The following DPP6 variants were observed in gnomAD, a reference collection of about 807,000 sequenced individuals.
DPP6 encodes dipeptidyl peptidase like 6.
In DPP6, 69 loss-of-function variants were observed where a neutral mutation model predicts 122.6. The observed-to-expected ratio is 0.56, with a 90% CI of 0.46 to 0.69. The LOEUF is 0.69. DPP6 is among the 30% of genes least tolerant of loss of function. The pLI is 0.00. For synonymous variants in DPP6, 418 were observed against 433.1 expected (o/e 0.97, Z 0.43); for missense variants, 928 against 1,116.9 (o/e 0.83, Z 2.41).
At chr7:154,271,667 A>C (rs1803803093) in intron 1 of DPP6, among the ~76,000 whole-genome samples, 1 of 152,190 alleles carries the variant, frequency 6.6e-6, no homozygotes, top group African/African-American at 2.4e-5. Context: ...ATCAAAAGAA[A>C]GAGTGCACCT....
intron 6 of DPP6, among the ~76,000 whole-genome samples, chr7:154,640,931 G>C (rs1304406699): frequency 6.6e-6 from 1 of 152,096 alleles, no homozygotes; most frequent in Non-Finnish European, 1.5e-5. Flanking sequence ...GCAATCTTCA[G>C]GATGGTTTTG....
At chr7:153,770,362 G>A in the DPP6 span, among the ~76,000 whole-genome samples, 11 of 152,250 alleles carry the variant, frequency 7.2e-5, no homozygotes, top group African/African-American at 2.2e-4. Flanking sequence ...ATAGTCCCTG[G>A]CTGAAGCCGA....
At chr7:154,154,221 A>G (rs1426350232) in intron 1 of DPP6, among the ~76,000 whole-genome samples, 1 of 152,246 alleles carries the variant, frequency 6.6e-6, no homozygotes, top group Non-Finnish European at 1.5e-5. Flanking sequence ...AATATTCCAT[A>G]CTTCGCTGGG....
chr7:154,497,609 CA>C (rs1364777692), intron 3 of DPP6, among the ~76,000 whole-genome samples: 2 of 116,390 alleles, frequency 1.7e-5, no homozygotes, highest in African/African-American at 5.8e-5. Flanking sequence ...ACTCCATCTC[CA>C]AAAAAAGAAA....
At chr7:154,190,169 G>C (rs1467125867) in intron 1 of DPP6, among the ~76,000 whole-genome samples, 2 of 152,148 alleles carry the variant, frequency 1.3e-5, no homozygotes, top group African/African-American at 4.8e-5. Flanking sequence ...ATATAACTTG[G>C]GCTTTCACTG....
intron 7 of DPP6, among the ~76,000 whole-genome samples, chr7:154,718,743 G>T (rs1177466223): frequency 6.7e-6 from 1 of 149,254 alleles, no homozygotes; most frequent in Non-Finnish European, 1.5e-5. Context: ...AGATTCAAGT[G>T]ATTCTCCAGC....
intron 1 of DPP6, among the ~76,000 whole-genome samples, chr7:154,176,860 G>A (rs957915370): frequency 5.8e-4 from 87 of 151,088 alleles, no homozygotes; most frequent in African/African-American, 2.0e-3. Context: ...TTTATTTTTT[G>A]AGACAGGGCC....
At chr7:154,191,961 G>A (rs368500550) in intron 1 of DPP6, among the ~76,000 whole-genome samples, 18 of 152,006 alleles carry the variant, frequency 1.2e-4, no homozygotes, top group East Asian at 7.7e-4. Flanking sequence ...ATAATTTATC[G>A]ACTAAGAAAA....
At chr7:154,822,359 C>G (rs913133545) in intron 16 of DPP6, among the ~76,000 whole-genome samples, 2 of 152,148 alleles carry the variant, frequency 1.3e-5, no homozygotes, top group African/African-American at 4.8e-5. Flanking sequence ...CTCGCTGCGT[C>G]CTCACATGGT....
intron 3 of DPP6, among the ~76,000 whole-genome samples, chr7:154,528,558 T>C (rs1244780403): frequency 6.6e-6 from 1 of 152,190 alleles, no homozygotes; most frequent in East Asian, 1.9e-4. Flanking sequence ...CAATTCCTCA[T>C]ACATATATTT....
chr7:154,279,500 C>T (rs1407531164), intron 1 of DPP6, among the ~76,000 whole-genome samples: 1 of 152,234 alleles, frequency 6.6e-6, no homozygotes, highest in Non-Finnish European at 1.5e-5. Flanking sequence ...CTTGCTGGAA[C>T]ATAGGCATCT....
intron 18 of DPP6, 103 bp from the exon 19 acceptor site, chr7:154,872,521 C>A: frequency 6.7e-7 from 1 of 1,487,092 alleles, no homozygotes; most frequent in Non-Finnish European, 9.0e-7. Context: ...TCCCCTCAGG[C>A]CCCACCCAGA....
At chr7:154,399,725 A>G (rs1815404161) in intron 1 of DPP6, among the ~76,000 whole-genome samples, 1 of 152,078 alleles carries the variant, frequency 6.6e-6, no homozygotes. Flanking sequence ...AGGTGGATGC[A>G]TGGGAGAACG....
chr7:154,853,634 C>T, intron 16 of DPP6, 146 bp from the exon 17 acceptor site: 1 of 1,164,840 alleles, frequency 8.6e-7, no homozygotes, highest in Non-Finnish European at 1.2e-6. Context: ...TCTGCCATCC[C>T]ATCATTGATT....
At chr7:154,209,951 T>C (rs958603232) in intron 1 of DPP6, among the ~76,000 whole-genome samples, 13 of 152,152 alleles carry the variant, frequency 8.5e-5, no homozygotes, top group African/African-American at 2.4e-4. Flanking sequence ...TCCAAGGCAA[T>C]AGGACTTCCA....
chr7:154,874,627 G>A (rs1216497850), intron 19 of DPP6, among the ~76,000 whole-genome samples: 2 of 152,198 alleles, frequency 1.3e-5, no homozygotes, highest in African/African-American at 4.8e-5. Flanking sequence ...CTCCTGGCCC[G>A]CTCCTCCTGC....
intron 5 of DPP6, among the ~76,000 whole-genome samples, chr7:154,589,707 A>C (rs1182939510): frequency 7.9e-5 from 12 of 152,216 alleles, no homozygotes; most frequent in African/African-American, 2.9e-4. Context: ...TGGGCAGTAC[A>C]GTTCTAAAGC....
intron 1 of DPP6, among the ~76,000 whole-genome samples, chr7:154,398,248 G>T (rs1024026008): frequency 6.6e-6 from 1 of 152,108 alleles, no homozygotes; most frequent in Admixed American, 6.6e-5. Flanking sequence ...TCATTTTTAA[G>T]CCCATCCCTA....
At position 154,833,214 on chromosome 7, in the gene DPP6, G is replaced by A. The variant is rs764254847; in HGVS notation, c.1667-20566G>A. ...AGCAGTGCAGAAGAGTGAGGGTCCC[G>A]GGGTCCCAGTGCCCTGCCAGCATAT... On this transcript the variant is annotated intron_variant, in intron 16 of 25. Coordinates refer to ENST00000377770, the MANE Select transcript of DPP6 (RefSeq NM_130797.4). This position sits in a 1 kb window ranked among gnomAD's most constrained non-coding sequence, Gnocchi z 4.3. 1.3e-5 allele frequency among the ~76,000 whole-genome samples: 2 copies of A among 152,192 alleles called. No individual in the cohort carries two copies. Among genetic ancestry groups the A allele is most frequent in the Non-Finnish European group, 2.9e-5 (2 of 68,044 alleles).
Sources: gnomAD v4.1 joint callset for allele counts (sites outside exome capture counted in the v4.1 genomes callset) on GRCh38, gnomAD v4.1.1 for gene constraint, Gnocchi (gnomAD v3.1) non-coding constraint, MANE v1.5 for transcripts, NCBI Gene and HGNC (gene_info 2026-07-23, HGNC 2026-07-21) for gene names.